The following WASF3 variants were observed in gnomAD, a reference collection of about 807,000 sequenced individuals.
The protein encoded by WASF3 is WASP family member 3.
In WASF3, 11 loss-of-function variants were observed where a neutral mutation model predicts 46.6. The observed-to-expected ratio is 0.24, with a 90% confidence interval of 0.15 to 0.39. The LOEUF is 0.39. WASF3 is among the 10% of genes least tolerant of loss of function. WASF3 has a pLI of 1.00. For synonymous variants in WASF3, 242 were observed against 259.7 expected, an observed-to-expected ratio of 0.93 and a Z score of 0.65; for missense variants, 576 against 669.8, an observed-to-expected ratio of 0.86 and a Z score of 1.55.
chr13:26,667,569 A>G lies in WASF3; in HGVS notation c.321A>G (p.Gln107=), dbSNP rs1299944636. Residue 107 remains glutamine (Q), a synonymous_variant, in exon 5 of 10, where the codon CAA becomes CAG. Transcript: ENST00000335327. Reference sequence around the variant, plus strand: ...AAGCTTTCAAAAGTTCCACAGTCCAAGACCAGCAAGTGGTTTCAAAGAACA... The same window carrying G: ...AAGCTTTCAAAAGTTCCACAGTCCAGGACCAGCAAGTGGTTTCAAAGAACA... The part of the protein sequence containing the change: ...MKKAFKSSTV[Q]DQQVVSKNSI... 4.3e-6 allele frequency: 7 copies of G among 1,614,190 alleles called. No individual in the cohort carries two copies. Among genetic ancestry groups the G allele is most frequent in the Non-Finnish European group, 5.9e-6 (7 of 1,180,028 alleles).
intron 9 of WASF3, among the ~76,000 whole-genome samples, chr13:26,684,010 G>A (rs1457778402): frequency 3.3e-5 from 5 of 152,190 alleles, no homozygotes; most frequent in African/African-American, 7.2e-5. Context: ...AAGTGACCAA[G>A]CAAGGAGCCT....
intron 1 of WASF3, among the ~76,000 whole-genome samples, chr13:26,605,931 A>G (rs984555936): frequency 1.3e-5 from 2 of 152,222 alleles, no homozygotes; most frequent in East Asian, 1.9e-4. Context: ...TTTGTTTACT[A>G]TTTGTTTTGT....
chr13:26,567,977 G>T (rs1879522068), intron 1 of WASF3, among the ~76,000 whole-genome samples: 1 of 151,974 alleles, frequency 6.6e-6, no homozygotes, highest in Non-Finnish European at 1.5e-5. Context: ...CAAATATTTT[G>T]GGAATGAACC....
intron 2 of WASF3, among the ~76,000 whole-genome samples, chr13:26,628,396 G>A (rs1462317596): frequency 2.0e-5 from 3 of 152,166 alleles, no homozygotes; most frequent in Non-Finnish European, 4.4e-5. Flanking sequence ...AGACACACTA[G>A]CAAGTGTCAG....
chr13:26,642,021 G>A (rs999412546), intron 2 of WASF3: 4 of 233,314 alleles, frequency 1.7e-5, no homozygotes, highest in South Asian at 1.3e-4. Flanking sequence ...GAAGAGAGAA[G>A]TCAGAAATAT....
rs549329186 is a variant in WASF3 at position 26,682,082 on chromosome 13, C to G, written c.984-525C>G. ...TCAGGCCAAGAGAGGGCCCATGGTC[C>G]AGTTAGTTTGGAAGACCCTCGGCTG... On this transcript the variant is annotated intron_variant, in intron 8 of 9. Transcript: ENST00000335327. The surrounding 1 kb of genome is among the most constrained non-coding windows in gnomAD (Gnocchi z 4.4). 6.6e-6 allele frequency among the ~76,000 whole-genome samples: 1 copy of G among 152,292 alleles called. No individual in the cohort carries two copies. Among genetic ancestry groups the G allele is most frequent in the Admixed American group, 6.5e-5 (1 of 15,298 alleles).
At chr13:26,625,392 G>T (rs1044276441) in intron 2 of WASF3, among the ~76,000 whole-genome samples, 2 of 152,176 alleles carry the variant, frequency 1.3e-5, no homozygotes, top group Non-Finnish European at 2.9e-5. Flanking sequence ...GTGCCTAGCT[G>T]ATGGTATAAC....
chr13:26,611,707 C>A (rs1325373752), intron 1 of WASF3, among the ~76,000 whole-genome samples: 2 of 152,262 alleles, frequency 1.3e-5, no homozygotes, highest in Admixed American at 6.5e-5. Context: ...GCTCACTTTT[C>A]TCTTTTACTC....
chr13:26,668,646 G>C (rs1443194297), intron 5 of WASF3, among the ~76,000 whole-genome samples: 2 of 152,236 alleles, frequency 1.3e-5, no homozygotes, highest in African/African-American at 4.8e-5. Flanking sequence ...TCCACAGGGA[G>C]ATGTTTGGAG....
chr13:26,607,539 A>G (rs1037730757), intron 1 of WASF3, among the ~76,000 whole-genome samples: 6 of 152,212 alleles, frequency 3.9e-5, no homozygotes, highest in African/African-American at 1.4e-4. Context: ...ATCCCAGCTC[A>G]GGTAAACTGG....
chr13:26,584,786 G>A (rs1880082326), intron 1 of WASF3, among the ~76,000 whole-genome samples: 1 of 152,172 alleles, frequency 6.6e-6, no homozygotes, highest in Admixed American at 6.5e-5. Context: ...AGGCATATAC[G>A]TGACAAGCAG....
chr13:26,641,215 AAGG>A (rs543414444), intron 2 of WASF3: 15 of 152,282 alleles, frequency 9.9e-5, no homozygotes, highest in Non-Finnish European at 2.2e-4. Context: ...GCATTCTTAA[AAGG>A]AGTTTTAAAA....
upstream of WASF3, among the ~76,000 whole-genome samples, chr13:26,555,160 T>A (rs1176113316): frequency 6.6e-6 from 1 of 152,230 alleles, no homozygotes; most frequent in Non-Finnish European, 1.5e-5. Context: ...TGACACATGA[T>A]ATTGAGCATG....
chr13:26,602,208 C>A (rs1593141699), intron 1 of WASF3, among the ~76,000 whole-genome samples: 1 of 152,148 alleles, frequency 6.6e-6, no homozygotes, highest in Non-Finnish European at 1.5e-5. Flanking sequence ...TGATCTTTCC[C>A]CTTTACCATG....
chr13:26,588,889 C>T (rs955575903), intron 1 of WASF3, among the ~76,000 whole-genome samples: 1 of 152,154 alleles, frequency 6.6e-6, no homozygotes, highest in Non-Finnish European at 1.5e-5. Context: ...CCTTGACCTC[C>T]TGGGCTCAAG....
chr13:26,615,426 A>C (rs1260343743), intron 2 of WASF3, among the ~76,000 whole-genome samples: 1 of 152,016 alleles, frequency 6.6e-6, no homozygotes, highest in African/African-American at 2.4e-5. Flanking sequence ...CTCCTGCCTC[A>C]GCCTCCCGAG....
rs1384845786 is a variant in WASF3 at position 26,683,055 on chromosome 13, C to T, written c.1351+81C>T. 2.6e-6 allele frequency: 4 copies of T among 1,513,058 alleles called. No individual in the cohort carries two copies. In the African/African-American group the frequency reaches 5.6e-5, roughly 21 times the overall value. The allele number at this position is 1,513,058 out of a possible 1,614,324, so 93.7% of individuals were successfully genotyped here. ...CTCCAGCCAGCTACAGCCTCCTTGT[C>T]TTCAAATGACTACTCACTACGTTTT... On this transcript the variant is annotated intron_variant, in intron 9 of 9. Transcript: ENST00000335327.
At chr13:26,539,512 T>C in the WASF3 span, among the ~76,000 whole-genome samples, 1 of 152,140 alleles carries the variant, frequency 6.6e-6, no homozygotes, top group Non-Finnish European at 1.5e-5. Context: ...AAGACTCTTG[T>C]GGTAAATAAA....
the WASF3 span, among the ~76,000 whole-genome samples, chr13:26,541,644 ACTTTTTTTTTT>A: frequency 1.1e-5 from 1 of 93,876 alleles, no homozygotes; most frequent in Non-Finnish European, 2.7e-5. Flanking sequence ...CCGGAAGCCC[ACTTTTTTTTTT>A]CTTTTTTAGA....
Sources: allele counts gnomAD v4.1 joint callset (sites outside exome capture counted in the v4.1 genomes callset), GRCh38; gene constraint gnomAD v4.1.1; non-coding constraint Gnocchi (gnomAD v3.1); transcripts MANE v1.5; gene names NCBI Gene and HGNC (gene_info 2026-07-23, HGNC 2026-07-21).